Variants in FANCM observed in about 807,000 individuals in gnomAD.
FANCM encodes Fanconi anemia group M protein.
In FANCM, 140 loss-of-function variants were observed where a neutral mutation model predicts 199.5. That is an observed-to-expected ratio of 0.70 (90% CI 0.61 to 0.81). The LOEUF is 0.81. Among genes scored for constraint, FANCM ranks in the 30% least tolerant of loss-of-function variants. The pLI is 0.00. For missense variants in FANCM, 2,410 were observed against 2,421.4 expected, an observed-to-expected ratio of 1.00 and a Z score of 0.10; for synonymous variants, 840 against 836.8, an observed-to-expected ratio of 1.00 and a Z score of -0.07.
chr14:45,195,810 A>T (rs1417052748), intron 20 of FANCM, among the ~76,000 whole-genome samples: 2 of 152,098 alleles, frequency 1.3e-5, no homozygotes, highest in Non-Finnish European at 2.9e-5. Context: ...TGGTTTCCTT[A>T]TTCTTCATGA....
intron 22 of FANCM, among the ~76,000 whole-genome samples, 168 bp from the exon 23 acceptor site, chr14:45,199,702 A>C (rs1890256944): frequency 6.6e-6 from 1 of 152,248 alleles, no homozygotes; most frequent in African/African-American, 2.4e-5. Flanking sequence ...AAGGAAAGGA[A>C]ACAAGTAGCT....
chr14:45,167,328 T>C (rs146722757), intron 11 of FANCM, 165 bp downstream of exon 11: 5 of 630,838 alleles, frequency 7.9e-6, no homozygotes, highest in Non-Finnish European at 1.4e-5. Flanking sequence ...ATGTGGCAAA[T>C]GGAGAGACAC....
In FANCM at chr14:45,167,010, C is replaced by A. The variant is rs138201476; in HGVS notation, c.1849C>A (p.Gln617Lys). The change falls in exon 11 of 23, where the codon CAG (glutamine) becomes AAG (lysine). Residue 617 changes from glutamine to lysine, a missense_variant. Coordinates refer to ENST00000267430, the MANE Select transcript of FANCM (RefSeq NM_020937.4). ...SIYKAISSNR[Q>K]VLHFYQRSPR... is the part of the protein sequence containing the mutation. ...ATATAAAGCTATTTCAAGTAACAGG[C>A]AGGTCCTTCATTTTTACCAAAGAAG... The A allele has an allele frequency of 1.2e-6, 2 of 1,610,256 alleles. No individual in the cohort carries two copies. The highest frequency in any genetic ancestry group is 1.7e-6 in the Non-Finnish European group (2 of 1,176,528).
At chr14:45,145,876 G>A (rs1338375400) in intron 3 of FANCM, among the ~76,000 whole-genome samples, 10 of 151,492 alleles carry the variant, frequency 6.6e-5, no homozygotes, top group African/African-American at 2.2e-4. Context: ...CGGCTAAAAC[G>A]GTGAAACCCC....
chr14:45,192,546 G>A (rs528950118), intron 20 of FANCM, among the ~76,000 whole-genome samples: 24 of 152,306 alleles, frequency 1.6e-4, no homozygotes, highest in South Asian at 4.1e-4. Context: ...AGGAGGCTGC[G>A]CCAGGAGAAT....
intron 16 of FANCM, among the ~76,000 whole-genome samples, chr14:45,182,338 T>TA (rs750513620): frequency 1.6e-4 from 24 of 152,320 alleles, no homozygotes; most frequent in Non-Finnish European, 1.6e-4. Context: ...TTTCAAGAAG[T>TA]AAAATTGGAG....
intron 20 of FANCM, among the ~76,000 whole-genome samples, chr14:45,194,033 A>C (rs145945252): frequency 7.6e-4 from 115 of 152,204 alleles, no homozygotes; most frequent in Non-Finnish European, 1.3e-3. Flanking sequence ...CAGGCATGGT[A>C]GCTCATGCCT....
At chr14:45,142,039 T>G (rs1415568117) in intron 3 of FANCM, among the ~76,000 whole-genome samples, 1 of 152,108 alleles carries the variant, frequency 6.6e-6, no homozygotes, top group African/African-American at 2.4e-5. Context: ...TGGAAATAAC[T>G]TTAGATTGCC....
intron 9 of FANCM, 75 bp downstream of exon 9, chr14:45,159,355 T>A: frequency 1.9e-6 from 2 of 1,077,014 alleles, no homozygotes; most frequent in Non-Finnish European, 2.8e-6. Context: ...TTGTTAGTTT[T>A]AACTCACTGG....
At chr14:45,170,829 A>C in intron 12 of FANCM, 83 bp downstream of exon 12, 4 of 1,129,188 alleles carry the variant, frequency 3.5e-6, no homozygotes, top group Non-Finnish European at 5.4e-6. Flanking sequence ...TATAATGATC[A>C]AGCAATAGCT....
At chr14:45,198,260 G>C (rs1005229436) in intron 21 of FANCM, among the ~76,000 whole-genome samples, 4 of 152,154 alleles carry the variant, frequency 2.6e-5, no homozygotes, top group African/African-American at 9.7e-5. Flanking sequence ...TGGGTGTACA[G>C]GGTATTTGTT....
chr14:45,185,215 A>C lies in FANCM; in HGVS notation c.4516-2A>C. On this transcript the variant is annotated splice_acceptor_variant, in intron 17 of 22. Coordinates refer to ENST00000267430, the MANE Select transcript of FANCM (RefSeq NM_020937.4). LOFTEE classifies it high-confidence loss of function. Reference sequence around the variant, plus strand: ...TCATGTTTTCTAATTTGTCTTACTTAGCATGTAGCTAGGAAGTTTTTAGAT... The same window carrying C: ...TCATGTTTTCTAATTTGTCTTACTTCGCATGTAGCTAGGAAGTTTTTAGAT... 1 of 1,562,572 alleles carries C rather than the reference A, an allele frequency of 6.4e-7. No individual in the cohort carries two copies. Among genetic ancestry groups the C allele is most frequent in the Non-Finnish European group, 8.8e-7 (1 of 1,139,080 alleles).
chr14:45,188,669 G>C, intron 19 of FANCM, 133 bp from the exon 20 acceptor site: 1 of 688,308 alleles, frequency 1.5e-6, no homozygotes, highest in Non-Finnish European at 2.5e-6. Flanking sequence ...GTTTATGTTA[G>C]TTGAGTAAGT....
intron 3 of FANCM, among the ~76,000 whole-genome samples, chr14:45,145,066 G>T (rs1009295324): frequency 6.6e-6 from 1 of 151,982 alleles, no homozygotes; most frequent in Non-Finnish European, 1.5e-5. Context: ...TGCCAGGACT[G>T]TGTTCTTCCC....
At chr14:45,179,936 ACTTTT>A (rs1248097605) in intron 14 of FANCM, among the ~76,000 whole-genome samples, 2 of 152,092 alleles carry the variant, frequency 1.3e-5, no homozygotes, top group African/African-American at 4.8e-5. Flanking sequence ...GATTTTTCCT[ACTTTT>A]CTTTAAGCCC....
At chr14:45,140,540 T>A (rs142561306) in intron 2 of FANCM, 92 bp from the exon 3 acceptor site, 25 of 754,630 alleles carry the variant, frequency 3.3e-5, no homozygotes, top group African/African-American at 2.9e-4. Flanking sequence ...GAAGGAATAA[T>A]GATAAGGGAC....
rs745329742 is a variant in FANCM at position 45,196,566 on chromosome 14, CTTTG to C, written c.5716+23_5716+26del. ...AAAACAGGTTTGTATTTTTAAATAT[CTTTG>C]TTTATAAGACTGTAAAGGAACTTTA... On this transcript the variant is annotated intron_variant, in intron 21 of 22. Coordinates refer to ENST00000267430, the MANE Select transcript of FANCM (RefSeq NM_020937.4). 170 of 1,608,198 alleles carry C rather than the reference CTTTG, an allele frequency of 1.1e-4. No homozygotes were observed. Among genetic ancestry groups the C allele is most frequent in the Non-Finnish European group, 1.4e-4 (163 of 1,177,950 alleles).
At chr14:45,167,570 T>C (rs546937523) in intron 11 of FANCM, 18 of 177,364 alleles carry the variant, frequency 1.0e-4, no homozygotes, top group Middle Eastern at 5.6e-3. Flanking sequence ...ATACATGTTG[T>C]CAATATTAAT....
chr14:45,199,861 A>C lies in FANCM; in HGVS notation c.6009-9A>C. On this transcript the variant is annotated splice_polypyrimidine_tract_variant and intron_variant, in intron 22 of 22. Transcript: ENST00000267430. ...CTAGTGTAATGATTTTGTCTCATTT[A>C]TTTTTCAGCTCACTTCAAGAAATCT... 1 of 1,611,228 alleles carries C rather than the reference A, an allele frequency of 6.2e-7. No homozygotes were observed. The highest frequency in any genetic ancestry group is 8.5e-7 in the Non-Finnish European group (1 of 1,178,090).
Sources: allele counts gnomAD v4.1 joint callset (sites outside exome capture counted in the v4.1 genomes callset), GRCh38; gene constraint gnomAD v4.1.1; transcripts MANE v1.5; gene names NCBI Gene and HGNC (gene_info 2026-07-23, HGNC 2026-07-21).